The following DDB1 variants were observed in gnomAD, a reference collection of about 807,000 sequenced individuals.
DDB1 encodes the protein damage specific DNA binding protein 1, also known as DNA damage-binding protein 1.
Under a neutral mutation model 133.1 loss-of-function variants are expected in DDB1, and 18 were observed. That is an observed-to-expected ratio of 0.14 (90% CI 0.09 to 0.20). DDB1 has a LOEUF of 0.20. Among genes scored for constraint, DDB1 ranks in the 10% least tolerant of loss-of-function variants. DDB1 has a pLI of 1.00. For missense variants in DDB1, 828 were observed against 1,459.2 expected (o/e 0.57, Z 7.05); for synonymous variants, 580 against 550.5 (o/e 1.05, Z -0.75).
intron 21 of DDB1, among the ~76,000 whole-genome samples, chr11:61,305,305 G>A (rs1215586206): frequency 2.6e-5 from 4 of 152,146 alleles, no homozygotes; most frequent in Non-Finnish European, 5.9e-5. Flanking sequence ...TCAGGAGATC[G>A]AGACCATCCT....
At chr11:61,321,830 T>C in intron 9 of DDB1, 133 bp from the exon 10 acceptor site, 6 of 739,350 alleles carry the variant, frequency 8.1e-6, no homozygotes, top group Non-Finnish European at 1.4e-5. Context: ...GGATGCAGAC[T>C]TGGCAGAGGT....
In DDB1 at chr11:61,330,024, G is replaced by A; in HGVS notation, c.261C>T (p.Cys87=). The part of the protein sequence containing the change: ...LFILTAKYNA[C]ILEYKQSGES... ...CGCCACTCTGTTTATACTCCAGGAT[G>A]CAGGCATTGTACTTCGCTGTCAAGA... Residue 87 remains cysteine, a synonymous_variant, in exon 3 of 27, where the codon TGC becomes TGT. Transcript: ENST00000301764. 1.2e-6 allele frequency: 2 copies of A among 1,613,978 alleles called. No individual in the cohort carries two copies. The highest frequency in any genetic ancestry group is 1.7e-6 in the Non-Finnish European group (2 of 1,179,874).
chr11:61,330,533 T>C (rs1005690844), intron 2 of DDB1, among the ~76,000 whole-genome samples: 2 of 152,268 alleles, frequency 1.3e-5, no homozygotes, highest in African/African-American at 4.8e-5. Context: ...CAAAGGGTTA[T>C]AATTAAAATT....
rs1855781380 is a variant in DDB1 at position 61,300,857 on chromosome 11, G to GA, written c.3290dup (p.Leu1098ProfsTer4). On this transcript the variant is annotated frameshift_variant, in exon 26 of 27. Coordinates refer to ENST00000301764, the MANE Select transcript of DDB1 (RefSeq NM_001923.5). LOFTEE classifies it high-confidence loss of function. ...GCATCTTGGGGCGGCTAATATCCAGGAAACTCTCAATCAAGTCACCGTCGA... is the reference window on the plus strand; with the variant it reads ...GCATCTTGGGGCGGCTAATATCCAGGAAAACTCTCAATCAAGTCACCGTCGA... 6.2e-7 allele frequency: 1 copy of GA among 1,614,028 alleles called. No homozygotes were observed. The highest frequency in any genetic ancestry group is 8.5e-7 in the Non-Finnish European group (1 of 1,180,044).
At chr11:61,327,106 C>G (rs1162126391) in intron 4 of DDB1, among the ~76,000 whole-genome samples, 8 of 152,190 alleles carry the variant, frequency 5.3e-5, no homozygotes, top group Non-Finnish European at 1.0e-4. Flanking sequence ...CCATTCTTAA[C>G]AATTCAACCA....
At position 61,331,580 on chromosome 11, in the gene DDB1, T is replaced by C. The variant is rs371977932; in HGVS notation, c.173A>G (p.Tyr58Cys). ...GLRPVKEVGM[Y>C]GKIAVMELFR... ...AAGCTCCATGACCGCAATCTTCCCA[T>C]ACATGCCCACCTCTTTGACGGGCCG... Residue 58 changes from tyrosine to cysteine, a missense_variant, in exon 2 of 27, where the codon TAT becomes TGT. By Grantham distance (194) the Tyr-to-Cys change is radical (BLOSUM62 -2). Around this residue, in one of 7 missense-constraint regions of DDB1, gnomAD observed 210 missense variants for 344.8 expected, o/e 0.61. Transcript: ENST00000301764. 12 of 1,614,064 alleles carry C rather than the reference T, an allele frequency of 7.4e-6. No individual in the cohort carries two copies. The highest frequency in any genetic ancestry group is 7.6e-6 in the Non-Finnish European group (9 of 1,180,046).
At chr11:61,300,356 G>C (rs1025438141) in intron 26 of DDB1, 137 bp from the exon 27 acceptor site, 1 of 858,668 alleles carries the variant, frequency 1.2e-6, no homozygotes, top group African/African-American at 1.7e-5. Flanking sequence ...AGAAACCCAC[G>C]CCTCCCCCTG....
chr11:61,310,491 C>T (rs913250111), intron 18 of DDB1, 73 bp from the exon 19 acceptor site: 21 of 1,484,138 alleles, frequency 1.4e-5, no homozygotes, highest in Non-Finnish European at 1.9e-5. Flanking sequence ...GTGAAGGGAC[C>T]CGTCAGATCA....
At chr11:61,321,961 T>C (rs1389856430) in intron 9 of DDB1, 1 of 547,862 alleles carries the variant, frequency 1.8e-6, no homozygotes, top group African/African-American at 1.9e-5. Flanking sequence ...TTTACTAGAA[T>C]GAGCACAGGA....
At chr11:61,326,143 T>G (rs1856265906) in intron 5 of DDB1, 2 of 263,574 alleles carry the variant, frequency 7.6e-6, no homozygotes, top group Non-Finnish European at 1.5e-5. Flanking sequence ...AAAACTTCCC[T>G]ACTGAGTGAG....
chr11:61,321,077 G>A (rs1856169808), intron 10 of DDB1, among the ~76,000 whole-genome samples: 1 of 151,170 alleles, frequency 6.6e-6, no homozygotes. Context: ...ATAGAGATGA[G>A]GTCTACGTTG....
At chr11:61,308,961 T>C in intron 21 of DDB1, 22 bp downstream of exon 21, 2 of 1,612,530 alleles carry the variant, frequency 1.2e-6, no homozygotes, top group Non-Finnish European at 1.7e-6. Context: ...CTAAAGTAAG[T>C]ACCAAGTGGT....
Position 61,304,025 on chromosome 11 carries a change from T to G in DDB1, c.2672A>C (p.Tyr891Ser). The stretch of plus-strand genomic sequence containing the variant: ...CAGCTCCTTCTCTGTTGTCCACTCA[T>G]AGAGCCGCACCTGGGAAGGGCATTG... ...LASINSTVRL[Y>S]EWTTEKELRT... Residue 891 changes from tyrosine to serine, a missense_variant, in exon 22 of 27, where the codon TAT (tyrosine) becomes TCT (serine). Tyr to Ser is a moderately radical substitution (Grantham distance 144). Coordinates refer to ENST00000301764, the MANE Select transcript of DDB1 (RefSeq NM_001923.5). The G allele has an allele frequency of 1.2e-6, 2 of 1,613,872 alleles. No homozygotes were observed. The highest frequency in any genetic ancestry group is 1.7e-6 in the Non-Finnish European group (2 of 1,180,008).
intron 1 of DDB1, 105 bp from the exon 2 acceptor site, chr11:61,331,796 C>T: frequency 6.8e-7 from 1 of 1,468,606 alleles, no homozygotes; most frequent in Middle Eastern, 1.8e-4. Context: ...TTCTCATTTA[C>T]TTCACATACT....
chr11:61,331,489 C>T, intron 2 of DDB1, 54 bp downstream of exon 2: 1 of 1,581,090 alleles, frequency 6.3e-7, no homozygotes, highest in Middle Eastern at 1.9e-4. Context: ...TAACATAAAA[C>T]AACCTACGAC....
At chr11:61,302,895 G>A (rs1268119283) in intron 23 of DDB1, 144 bp from the exon 24 acceptor site, 4 of 1,290,618 alleles carry the variant, frequency 3.1e-6, no homozygotes, top group East Asian at 2.4e-5. Context: ...TAAAGAGGTG[G>A]ATTTCTGTCA....
intron 21 of DDB1, among the ~76,000 whole-genome samples, chr11:61,306,772 C>A (rs1256453560): frequency 6.6e-6 from 1 of 152,162 alleles, no homozygotes; most frequent in Non-Finnish European, 1.5e-5. Context: ...GCTCACCTAA[C>A]AAAACTCGAC....
At chr11:61,329,293 G>T (rs1168281039) in intron 4 of DDB1, 70 bp downstream of exon 4, 16 of 1,395,048 alleles carry the variant, frequency 1.1e-5, no homozygotes, top group African/African-American at 7.1e-5. Flanking sequence ...ACCCAGACAT[G>T]CCAGTTAGCA....
In DDB1 at chr11:61,316,531, G is replaced by T; in HGVS notation, c.1262C>A (p.Thr421Asn). 6.2e-7 allele frequency: 1 copy of T among 1,614,150 alleles called. No individual in the cohort carries two copies. The highest frequency in any genetic ancestry group is 8.5e-7 in the Non-Finnish European group (1 of 1,180,044). ...AAAAGAGAGCACCAAAGTGTCATCA[G>T]TCTCACGATTAGGGTCAGACCGCAG... ...WPLRSDPNRE[T>N]DDTLVLSFVG... The change falls in exon 11 of 27, where the codon ACT (threonine) becomes AAT (asparagine). Residue 421 changes from threonine to asparagine, a missense_variant. Coordinates refer to ENST00000301764, the MANE Select transcript of DDB1 (RefSeq NM_001923.5).
Sources: gnomAD v4.1 joint callset for allele counts (sites outside exome capture counted in the v4.1 genomes callset) on GRCh38, gnomAD v4.1.1 for gene constraint, gnomAD v4.1.1 regional missense constraint, MANE v1.5 for transcripts, NCBI Gene and HGNC (gene_info 2026-07-23, HGNC 2026-07-21) for gene names.